The following PPFIA2 variants were observed in gnomAD, a reference collection of about 807,000 sequenced individuals.
PPFIA2 encodes liprin-alpha-2.
In PPFIA2, 46 loss-of-function variants were observed where a neutral mutation model predicts 175.5. That is an observed-to-expected ratio of 0.26 (90% CI 0.21 to 0.34). The LOEUF is 0.34. PPFIA2 is among the 10% of genes least tolerant of loss of function. PPFIA2 has a pLI of 1.00. For missense variants in PPFIA2, 1,179 were observed against 1,506.1 expected, an observed-to-expected ratio of 0.78 and a Z score of 3.60; for synonymous variants, 568 against 511.4, an observed-to-expected ratio of 1.11 and a Z score of -1.49.
chr12:81,755,827 A>G lies in PPFIA2; in HGVS notation c.-2-1604T>C, dbSNP rs559127354. 9.2e-5 allele frequency among the ~76,000 whole-genome samples: 14 copies of G among 152,272 alleles called. No individual in the cohort carries two copies. In the East Asian group the frequency reaches 2.1e-3, roughly 23 times the overall value. ...CAATTTTGTATGCACACTAAAATAT[A>G]TAACAGAGAACACACATAAAATGAA... On this transcript the variant is annotated intron_variant, in intron 2 of 32. Coordinates refer to ENST00000549396, the MANE Select transcript of PPFIA2 (RefSeq NM_003625.5).
chr12:81,739,177 T>C (rs897365627), intron 3 of PPFIA2, among the ~76,000 whole-genome samples: 1 of 151,992 alleles, frequency 6.6e-6, no homozygotes, highest in African/African-American at 2.4e-5. Flanking sequence ...CACAGAACTT[T>C]AGATGTGGAA....
In PPFIA2 at chr12:81,588,504, A is replaced by T. The variant is rs146438627; in HGVS notation, c.303+88287T>A. Among the ~76,000 whole-genome samples the T allele has an allele frequency of 2.8e-4, 42 of 151,956 alleles. No homozygotes were observed. The East Asian group carries it at 4.8e-3, about 18-fold the overall frequency. ...ACATTAACATCTACTACTCAGGCAG[A>T]CCTCTTTCCTGAGAGCCAAACCTGT... On this transcript the variant is annotated intron_variant, in intron 4 of 32. Transcript: ENST00000549396.
rs563004226 is a variant in PPFIA2 at position 81,695,279 on chromosome 12, T to C, written c.250-18435A>G. On this transcript the variant is annotated intron_variant, in intron 3 of 32. Coordinates refer to ENST00000549396, the MANE Select transcript of PPFIA2 (RefSeq NM_003625.5). ...GTCCCCACCCTACTTTTATGTGGAA[T>C]TGTAGTCCCAGTGCTGAAGATAGGG... Among the ~76,000 whole-genome samples, 4 of 152,284 alleles carry C rather than the reference T, an allele frequency of 2.6e-5. No individual in the cohort carries two copies. The East Asian group carries it at 5.8e-4, about 22-fold the overall frequency.
intron 3 of PPFIA2, among the ~76,000 whole-genome samples, chr12:81,689,870 T>C (rs2075010465): frequency 6.6e-6 from 1 of 152,114 alleles, no homozygotes; most frequent in Non-Finnish European, 1.5e-5. Context: ...GTGCATACAA[T>C]GCTAAGTTCC....
intron 5 of PPFIA2, among the ~76,000 whole-genome samples, chr12:81,450,944 A>G (rs2052453335): frequency 6.6e-6 from 1 of 152,208 alleles, no homozygotes; most frequent in South Asian, 2.1e-4. Context: ...GTATATCCTC[A>G]GAACTACTGA....
intron 4 of PPFIA2, among the ~76,000 whole-genome samples, chr12:81,608,526 T>G (rs1017711906): frequency 2.6e-5 from 4 of 152,020 alleles, no homozygotes; most frequent in Non-Finnish European, 5.9e-5. Context: ...TCTTGGGAAA[T>G]TGTATGTTTC....
chr12:81,687,463 T>C (rs2074586649), intron 3 of PPFIA2: 1 of 152,010 alleles, frequency 6.6e-6, no homozygotes, highest in Admixed American at 6.6e-5. Flanking sequence ...CACCATCTCC[T>C]CTGGGGAGGC....
At chr12:81,534,877 A>G (rs563740573) in intron 4 of PPFIA2, among the ~76,000 whole-genome samples, 132 of 151,718 alleles carry the variant, frequency 8.7e-4, no homozygotes, top group Non-Finnish European at 1.5e-3. Flanking sequence ...AATTCTAGGG[A>G]GGGAGAAGAT....
At chr12:81,305,757 A>T (rs1414576185) in intron 22 of PPFIA2, among the ~76,000 whole-genome samples, 1 of 152,210 alleles carries the variant, frequency 6.6e-6, no homozygotes, top group African/African-American at 2.4e-5. Flanking sequence ...ACTATTTAAA[A>T]TTACTTATTA....
chr12:81,535,877 G>A (rs185230479), intron 4 of PPFIA2, among the ~76,000 whole-genome samples: 170 of 151,694 alleles, frequency 1.1e-3, no homozygotes, highest in Middle Eastern at 3.4e-3. Flanking sequence ...CTGCCTTTGT[G>A]GTAACTGTAT....
At chr12:81,495,187 CTG>C (rs1420155824) in intron 4 of PPFIA2, among the ~76,000 whole-genome samples, 2 of 152,052 alleles carry the variant, frequency 1.3e-5, no homozygotes, top group African/African-American at 4.8e-5. Flanking sequence ...AATTTAGCAA[CTG>C]TGCCTCCTCA....
At chr12:81,587,272 T>C (rs2075423657) in intron 4 of PPFIA2, among the ~76,000 whole-genome samples, 1 of 151,966 alleles carries the variant, frequency 6.6e-6, no homozygotes, top group Non-Finnish European at 1.5e-5. Flanking sequence ...CCTCCTATCC[T>C]GGTCTTGTGA....
intron 3 of PPFIA2, among the ~76,000 whole-genome samples, chr12:81,699,847 T>C (rs530023508): frequency 2.6e-5 from 4 of 152,184 alleles, no homozygotes; most frequent in African/African-American, 7.2e-5. Context: ...TCTCCATATC[T>C]AACTTATTCA....
intron 25 of PPFIA2, among the ~76,000 whole-genome samples, chr12:81,283,480 A>G (rs1179827644): frequency 6.6e-6 from 1 of 152,080 alleles, no homozygotes; most frequent in Non-Finnish European, 1.5e-5. Flanking sequence ...ATCGATTTCA[A>G]CAACAGCCAA....
chr12:81,363,917 T>C (rs957582137), intron 14 of PPFIA2, among the ~76,000 whole-genome samples: 5 of 152,038 alleles, frequency 3.3e-5, no homozygotes, highest in African/African-American at 1.2e-4. Context: ...GTACCTCTTG[T>C]GTGTCAGGCA....
intron 4 of PPFIA2, among the ~76,000 whole-genome samples, chr12:81,489,649 G>C (rs372031565): frequency 6.6e-6 from 1 of 151,880 alleles, no homozygotes; most frequent in Non-Finnish European, 1.5e-5. Flanking sequence ...GATGCAATTA[G>C]TCACTGCTCC....
Position 81,646,398 on chromosome 12 carries a change from CA to C in PPFIA2, c.303+30392del, listed in dbSNP as rs1283100668. 1.1e-4 allele frequency among the ~76,000 whole-genome samples: 17 copies of C among 152,258 alleles called. No homozygotes were observed. In the East Asian group the frequency reaches 2.7e-3, roughly 24 times the overall value. ...GCTGAGGTTTGGTGCAGAGAGCCAG[CA>C]TAAGACTGGGGCTGGAGGAGAACTA... On this transcript the variant is annotated intron_variant, in intron 4 of 32. Transcript: ENST00000549396.
At chr12:81,273,390 A>G (rs2039663524) in intron 28 of PPFIA2, among the ~76,000 whole-genome samples, 1 of 151,900 alleles carries the variant, frequency 6.6e-6, no homozygotes, top group African/African-American at 2.4e-5. Flanking sequence ...CAGTTTTACT[A>G]TTTCCTTACA....
chr12:81,292,858 T>C (rs1335518524), intron 24 of PPFIA2: 1 of 152,014 alleles, frequency 6.6e-6, no homozygotes. Context: ...TATTTAAAAA[T>C]AATATAGGTA....
Sources: allele counts gnomAD v4.1 joint callset (sites outside exome capture counted in the v4.1 genomes callset), GRCh38; gene constraint gnomAD v4.1.1; transcripts MANE v1.5; gene names NCBI Gene and HGNC (gene_info 2026-07-23, HGNC 2026-07-21).